The following SEZ6L variants were observed in gnomAD, a reference collection of about 807,000 sequenced individuals.
SEZ6L encodes the protein seizure related 6 homolog like, also known as seizure 6-like protein.
In SEZ6L, 37 loss-of-function variants were observed where a neutral mutation model predicts 106.2. The ratio of observed to expected loss-of-function variants is 0.35; its 90% CI spans 0.27 to 0.46. The LOEUF (loss-of-function observed/expected upper bound fraction) is 0.46, where lower values mean the gene tolerates loss of function less well. Ranked by LOEUF, SEZ6L falls within the 20% of genes least tolerant of loss-of-function variation. The pLI, the probability that SEZ6L is intolerant of heterozygous loss-of-function variation, is 1.00. For missense variants in SEZ6L, 1,172 were observed against 1,332.8 expected (o/e 0.88, Z 1.88); for synonymous variants, 541 against 570.4 (o/e 0.95, Z 0.73).
At position 26,301,313 on chromosome 22, in the gene SEZ6L, C is replaced by T. The variant is rs183781368; in HGVS notation, c.1348+2144C>T. Among the ~76,000 whole-genome samples the T allele has an allele frequency of 9.2e-3, 1,407 of 152,332 alleles. 15 individuals carry two copies. Among genetic ancestry groups the T allele is most frequent in the South Asian group, 0.044 (213 of 4,820 alleles). On this transcript the variant is annotated intron_variant, in intron 5 of 16. Transcript: ENST00000248933. The stretch of plus-strand genomic sequence containing the variant: ...TTGGGCGTTGTTTGTCATTCAGAGC[C>T]TTTCCTATCTAGGTACTCATTCGAC...
intron 1 of SEZ6L, among the ~76,000 whole-genome samples, chr22:26,235,397 A>G (rs775413583): frequency 2.0e-5 from 3 of 152,210 alleles, no homozygotes; most frequent in African/African-American, 4.8e-5. Context: ...ACATTTACTC[A>G]ATATTCACCA....
chr22:26,342,699 A>G (rs2082876729), intron 10 of SEZ6L, among the ~76,000 whole-genome samples: 1 of 138,496 alleles, frequency 7.2e-6, no homozygotes, highest in South Asian at 2.4e-4. Flanking sequence ...CGTCTCAAAG[A>G]AAAAAGAAAA....
intron 4 of SEZ6L, among the ~76,000 whole-genome samples, chr22:26,298,571 T>C (rs2081364650): frequency 6.6e-6 from 1 of 152,202 alleles, no homozygotes; most frequent in African/African-American, 2.4e-5. Context: ...CTTGGGCAAT[T>C]CCCAAAGACC....
At chr22:26,303,035 G>A (rs1158105035) in intron 5 of SEZ6L, among the ~76,000 whole-genome samples, 2 of 152,258 alleles carry the variant, frequency 1.3e-5, no homozygotes, top group Non-Finnish European at 2.9e-5. Context: ...TCTCACTACT[G>A]TCCTATAAGG....
chr22:26,348,612 A>AAAAGAAAGAAAGAAAGAAAG lies in SEZ6L; in HGVS notation c.2407+715_2407+734dup, dbSNP rs1175520871. ...AGAAAGAAAGAAAGAAAGAAAGAGA[A>AAAAGAAAGAAAGAAAGAAAG]AAAGAAAGAAAGAAAGAAAGAAAGA... On this transcript the variant is annotated intron_variant, in intron 11 of 16. Transcript: ENST00000248933. 7.8e-4 allele frequency among the ~76,000 whole-genome samples: 17 copies of AAAAGAAAGAAAGAAAGAAAG among 21,782 alleles called. 2 individuals carry two copies. The highest frequency in any genetic ancestry group is 5.1e-3 in the East Asian group (2 of 394). The allele number at this position is 21,782 out of a possible 152,430, so 14.3% of individuals were successfully genotyped here.
intron 1 of SEZ6L, among the ~76,000 whole-genome samples, chr22:26,275,347 G>C (rs139595028): frequency 6.6e-6 from 1 of 152,178 alleles, no homozygotes; most frequent in Non-Finnish European, 1.5e-5. Flanking sequence ...TAAGTGTTCT[G>C]AGTATGTTTA....
At position 26,310,803 on chromosome 22, in the gene SEZ6L, C is replaced by T. The variant is rs774078967; in HGVS notation, c.1648C>T (p.Arg550Trp). ...CATCGAGTTCACGTCCGACCAGGCC[C>T]GGGCGGCCTCCACCTTCAACATCCG... ...IRIEFTSDQA[R>W]AASTFNIRFE... Residue 550 changes from arginine to tryptophan, a missense_variant, in exon 7 of 17, where the codon CGG becomes TGG. By Grantham distance (101) the Arg-to-Trp change is moderately radical (BLOSUM62 -3). Coordinates refer to ENST00000248933, the MANE Select transcript of SEZ6L (RefSeq NM_021115.5). 24 of 1,613,974 alleles carry T rather than the reference C, an allele frequency of 1.5e-5. No homozygotes were observed. The highest frequency in any genetic ancestry group is 1.1e-4 in the East Asian group (5 of 44,884).
At chr22:26,310,227 G>A (rs888982665) in intron 6 of SEZ6L, among the ~76,000 whole-genome samples, 4 of 152,206 alleles carry the variant, frequency 2.6e-5, no homozygotes, top group African/African-American at 9.6e-5. Context: ...GGTGATGCTT[G>A]TCTGAGCACA....
At chr22:26,366,375 T>A (rs1376710406) in intron 13 of SEZ6L, among the ~76,000 whole-genome samples, 1 of 151,498 alleles carries the variant, frequency 6.6e-6, no homozygotes, top group African/African-American at 2.4e-5. Context: ...TTATCATATA[T>A]CACAATTATG....
chr22:26,304,369 G>GAGA (rs2081553099), intron 5 of SEZ6L, among the ~76,000 whole-genome samples: 1 of 98,304 alleles, frequency 1.0e-5, no homozygotes, highest in Non-Finnish European at 1.9e-5. Flanking sequence ...AAAAAAGAAA[G>GAGA]AAGAAAGAAA....
chr22:26,181,347 T>C (rs148348403), intron 1 of SEZ6L, among the ~76,000 whole-genome samples: 1,634 of 152,342 alleles, frequency 0.011, 26 homozygotes, highest in South Asian at 0.085. Flanking sequence ...CTATGCCCCC[T>C]TTTAAAGCAG....
chr22:26,264,330 C>T (rs668483), intron 1 of SEZ6L, among the ~76,000 whole-genome samples: 32,485 of 152,146 alleles, frequency 0.21, 4,052 homozygotes, highest in South Asian at 0.32. Context: ...GCTTCTGCCC[C>T]GATCTTGTCA....
intron 7 of SEZ6L, 107 bp downstream of exon 7, chr22:26,310,943 C>A: frequency 9.0e-7 from 1 of 1,115,538 alleles, no homozygotes; most frequent in Non-Finnish European, 1.3e-6. Context: ...TGTGGGAAAT[C>A]CCATGGCCAT....
At chr22:26,255,479 A>G (rs1440908842) in intron 1 of SEZ6L, among the ~76,000 whole-genome samples, 2 of 152,214 alleles carry the variant, frequency 1.3e-5, no homozygotes, top group African/African-American at 2.4e-5. Context: ...TGCCCACTAC[A>G]TGGAAGAGAA....
intron 1 of SEZ6L, among the ~76,000 whole-genome samples, chr22:26,275,271 C>A (rs1046527233): frequency 6.6e-6 from 1 of 152,100 alleles, no homozygotes; most frequent in African/African-American, 2.4e-5. Flanking sequence ...ATTCAAAATT[C>A]TTTATAGCAA....
chr22:26,377,271 G>A (rs927039246), intron 15 of SEZ6L, among the ~76,000 whole-genome samples: 2 of 152,146 alleles, frequency 1.3e-5, no homozygotes, highest in Admixed American at 6.5e-5. Flanking sequence ...GCAAGACCCT[G>A]TCTCTAAATA....
chr22:26,175,155 G>C (rs556756821), intron 1 of SEZ6L, among the ~76,000 whole-genome samples: 1 of 152,130 alleles, frequency 6.6e-6, no homozygotes, highest in East Asian at 1.9e-4. Context: ...TGCCAGATGC[G>C]CATGGGATGT....
rs765621865 is a variant in SEZ6L, at chr22:26,347,776, C to G, written c.2270C>G (p.Thr757Ser). The G allele has an allele frequency of 5.5e-5, 88 of 1,609,876 alleles. No homozygotes were observed. The Admixed American group carries it at 1.4e-3, about 25-fold the overall frequency. Residue 757 changes from threonine to serine, a missense_variant, in exon 11 of 17, where the codon ACC (threonine) becomes AGC (serine). Coordinates refer to ENST00000248933, the MANE Select transcript of SEZ6L (RefSeq NM_021115.5). ...DLPEIQNGWKTTSHTELVRGA... is the reference protein window; with the variant it reads ...DLPEIQNGWKSTSHTELVRGA... ...CCCGAGATCCAGAATGGCTGGAAAACCACTTCTCACACGGAGTTGGTGCGG... is the reference window on the plus strand; with the variant it reads ...CCCGAGATCCAGAATGGCTGGAAAAGCACTTCTCACACGGAGTTGGTGCGG...
Position 26,357,857 on chromosome 22 carries a change from A to G in SEZ6L, c.2599+6614A>G, listed in dbSNP as rs373500167. On this transcript the variant is annotated intron_variant, in intron 12 of 16. Coordinates refer to ENST00000248933, the MANE Select transcript of SEZ6L (RefSeq NM_021115.5). ...GACTCCTGAGGTAACCATCCCAAAG[A>G]CATAAACCACACCACCAAAACTAAA... is the stretch of plus-strand genomic sequence containing the variant. Among the ~76,000 whole-genome samples the G allele has an allele frequency of 1.4e-4, 22 of 152,294 alleles. No homozygotes were observed. The East Asian group carries it at 3.3e-3, about 23-fold the overall frequency.
Sources: allele counts gnomAD v4.1 joint callset (sites outside exome capture counted in the v4.1 genomes callset), GRCh38; gene constraint gnomAD v4.1.1; transcripts MANE v1.5; gene names NCBI Gene and HGNC (gene_info 2026-07-23, HGNC 2026-07-21).